Variants in AGTPBP1 observed in about 807,000 individuals in gnomAD.
AGTPBP1 encodes cytosolic carboxypeptidase 1.
AGTPBP1 carries 70 observed loss-of-function variants against 143.9 expected under a neutral mutation model. The observed-to-expected ratio is 0.49, with a 90% CI of 0.40 to 0.59. The LOEUF is 0.59. AGTPBP1 is among the 20% of genes least tolerant of loss of function. AGTPBP1 has a pLI of 0.00. For missense variants in AGTPBP1, 1,229 were observed against 1,464.5 expected (o/e 0.84, Z 2.62); for synonymous variants, 463 against 500.2 (o/e 0.93, Z 0.99).
At chr9:85,598,789 G>A (rs1011588473) in intron 17 of AGTPBP1, among the ~76,000 whole-genome samples, 15 of 152,008 alleles carry the variant, frequency 9.9e-5, no homozygotes, top group South Asian at 6.2e-4. Flanking sequence ...GTGCGATCTC[G>A]GCTCACTGTG....
chr9:85,601,931 C>T (rs1829699392), intron 17 of AGTPBP1, among the ~76,000 whole-genome samples: 2 of 152,178 alleles, frequency 1.3e-5, no homozygotes, highest in South Asian at 2.1e-4. Context: ...CACATTACTG[C>T]ATCCACCCAG....
intron 18 of AGTPBP1, among the ~76,000 whole-genome samples, chr9:85,595,362 G>A (rs1027075911): frequency 2.2e-4 from 34 of 152,166 alleles, no homozygotes; most frequent in African/African-American, 7.7e-4. Context: ...ATAAACAAGG[G>A]TGCCAAGTGG....
At chr9:85,622,015 C>A (rs1830968273) in intron 14 of AGTPBP1, among the ~76,000 whole-genome samples, 1 of 152,142 alleles carries the variant, frequency 6.6e-6, no homozygotes, top group Admixed American at 6.5e-5. Flanking sequence ...ACAGGTGACA[C>A]TAAAATATAG....
intron 2 of AGTPBP1, among the ~76,000 whole-genome samples, chr9:85,697,734 G>A (rs538782831): frequency 9.2e-5 from 14 of 152,240 alleles, no homozygotes; most frequent in African/African-American, 3.4e-4. Flanking sequence ...TTACAGGCGT[G>A]AGCCACTGCG....
At chr9:85,625,329 AT>A (rs1315165308) in intron 14 of AGTPBP1, among the ~76,000 whole-genome samples, 4 of 152,226 alleles carry the variant, frequency 2.6e-5, no homozygotes, top group Non-Finnish European at 5.9e-5. Flanking sequence ...CTGTTTTTCC[AT>A]AACCTCATCA....
chr9:85,661,191 C>CA lies in AGTPBP1; in HGVS notation c.663-219dup, dbSNP rs375543774. On this transcript the variant is annotated intron_variant, in intron 8 of 25. Transcript: ENST00000357081. ...AGATTGAAATATCAATAGATAGGAA[C>CA]AAAAAAAATGTTTTGAGAAAGAAAA... Among the ~76,000 whole-genome samples the CA allele has an allele frequency of 6.0e-5, 9 of 151,086 alleles. No individual in the cohort carries two copies. The South Asian group carries it at 1.5e-3, about 25-fold the overall frequency.
intron 1 of AGTPBP1, among the ~76,000 whole-genome samples, chr9:85,725,107 C>T (rs954614382): frequency 7.2e-5 from 11 of 152,126 alleles, no homozygotes; most frequent in East Asian, 1.9e-4. Flanking sequence ...CTACCAAATT[C>T]GTCACTTGTG....
At chr9:85,551,024 T>A (rs1018046920) in intron 25 of AGTPBP1, among the ~76,000 whole-genome samples, 4 of 152,110 alleles carry the variant, frequency 2.6e-5, no homozygotes, top group Non-Finnish European at 5.9e-5. Context: ...TCTGTGTTCA[T>A]GCGAGATCTG....
At chr9:85,649,821 T>C (rs549653695) in intron 11 of AGTPBP1, among the ~76,000 whole-genome samples, 1 of 152,102 alleles carries the variant, frequency 6.6e-6, no homozygotes, top group South Asian at 2.1e-4. Context: ...ACTGATAATA[T>C]ATTTTACTAA....
intron 25 of AGTPBP1, among the ~76,000 whole-genome samples, chr9:85,549,350 A>C (rs1825906356): frequency 6.6e-6 from 1 of 152,084 alleles, no homozygotes; most frequent in African/African-American, 2.4e-5. Flanking sequence ...AGAACACAAA[A>C]TCCATGTGTT....
intron 3 of AGTPBP1, among the ~76,000 whole-genome samples, chr9:85,682,956 A>G (rs1835279615): frequency 6.6e-6 from 1 of 152,236 alleles, no homozygotes; most frequent in African/African-American, 2.4e-5. Context: ...GACTAGCTAC[A>G]AAATAAATAT....
At chr9:85,712,394 A>G (rs1837435578) in intron 2 of AGTPBP1, 108 bp downstream of exon 2, 1 of 534,630 alleles carries the variant, frequency 1.9e-6, no homozygotes, top group East Asian at 3.4e-5. Context: ...TAAATATAAC[A>G]TATTATACTT....
chr9:85,783,814 T>C, the AGTPBP1 span, among the ~76,000 whole-genome samples: 2 of 152,122 alleles, frequency 1.3e-5, no homozygotes, highest in African/African-American at 4.8e-5. Flanking sequence ...TTTGTATTTT[T>C]AGTAGAGACC....
At position 85,730,901 on chromosome 9, in the gene AGTPBP1, A is replaced by G. The variant is rs368930911; in HGVS notation, c.-34+10874T>C. Among the ~76,000 whole-genome samples, 5 of 152,336 alleles carry G rather than the reference A, an allele frequency of 3.3e-5. No homozygotes were observed. The South Asian group carries it at 8.3e-4, about 25-fold the overall frequency. ...CCTGTTAAATTACTATGTGGTTTCT[A>G]TCTCCTGATTGAACCCATACTGATA... On this transcript the variant is annotated intron_variant, in intron 1 of 25. Transcript: ENST00000357081.
intron 19 of AGTPBP1, among the ~76,000 whole-genome samples, chr9:85,590,288 G>A (rs1032938127): frequency 6.6e-6 from 1 of 151,844 alleles, no homozygotes; most frequent in Non-Finnish European, 1.5e-5. Context: ...CACAATGTAT[G>A]TAAGCAAAAC....
intron 1 of AGTPBP1, among the ~76,000 whole-genome samples, chr9:85,719,710 G>A (rs1564180178): frequency 6.6e-6 from 1 of 152,216 alleles, no homozygotes; most frequent in Non-Finnish European, 1.5e-5. Flanking sequence ...GAATAGGAGT[G>A]GTGAGAGAGG....
intron 21 of AGTPBP1, 79 bp downstream of exon 21, chr9:85,588,218 TG>T: frequency 8.3e-7 from 1 of 1,210,266 alleles, no homozygotes; most frequent in Non-Finnish European, 1.1e-6. Context: ...TTTGTTAACC[TG>T]GACATTGTTA....
chr9:85,663,661 CA>C (rs1238601837), intron 8 of AGTPBP1, among the ~76,000 whole-genome samples: 1 of 150,348 alleles, frequency 6.7e-6, no homozygotes, highest in Non-Finnish European at 1.5e-5. Context: ...CTGACATAAA[CA>C]TGAGAAAACA....
intron 6 of AGTPBP1, among the ~76,000 whole-genome samples, chr9:85,673,312 C>T (rs1334751926): frequency 6.6e-6 from 1 of 151,980 alleles, no homozygotes; most frequent in African/African-American, 2.4e-5. Flanking sequence ...TGCTCCACTA[C>T]ACATATACAT....
Sources: gnomAD v4.1 joint callset for allele counts (sites outside exome capture counted in the v4.1 genomes callset) on GRCh38, gnomAD v4.1.1 for gene constraint, MANE v1.5 for transcripts, NCBI Gene and HGNC (gene_info 2026-07-23, HGNC 2026-07-21) for gene names.